The following GLIS1 variants were observed in gnomAD, a reference collection of about 807,000 sequenced individuals.
GLIS1 encodes the protein GLIS family zinc finger 1, also known as zinc finger protein GLIS1.
In GLIS1, 24 loss-of-function variants were observed where a neutral mutation model predicts 63.8. The observed-to-expected ratio is 0.38, with a 90% CI of 0.27 to 0.53. GLIS1 has a LOEUF of 0.53. GLIS1 is among the 20% of genes least tolerant of loss of function. The pLI is 0.85. For synonymous variants in GLIS1, 450 were observed against 482.5 expected, an observed-to-expected ratio of 0.93 and a Z score of 0.88; for missense variants, 1,036 against 1,074.1, an observed-to-expected ratio of 0.96 and a Z score of 0.50.
At chr1:53,516,022 T>C (rs1159720525) in intron 7 of GLIS1, among the ~76,000 whole-genome samples, 6 of 152,256 alleles carry the variant, frequency 3.9e-5, no homozygotes, top group Non-Finnish European at 8.8e-5. Flanking sequence ...CTGAAATCCA[T>C]GCATCCAGCA....
At chr1:53,604,735 G>A (rs1291269999) in intron 2 of GLIS1, among the ~76,000 whole-genome samples, 2 of 152,242 alleles carry the variant, frequency 1.3e-5, no homozygotes, top group Non-Finnish European at 1.5e-5. Context: ...AGAGAGGGCA[G>A]GTGATTTGCC....
intron 2 of GLIS1, among the ~76,000 whole-genome samples, chr1:53,684,580 C>T (rs1442826035): frequency 6.6e-5 from 10 of 152,194 alleles, no homozygotes; most frequent in African/African-American, 1.7e-4. Context: ...GGAGGGCCCT[C>T]CAGTACCTCC....
At chr1:53,600,645 C>T (rs12036675) in intron 2 of GLIS1, among the ~76,000 whole-genome samples, 122,449 of 152,152 alleles carry the variant, frequency 0.8, 54,055 homozygotes, top group Non-Finnish European at 0.99. Flanking sequence ...GTTAACCACA[C>T]GGTGCTCATG....
At chr1:53,558,443 G>C (rs1382526000) in intron 4 of GLIS1, among the ~76,000 whole-genome samples, 1 of 152,206 alleles carries the variant, frequency 6.6e-6, no homozygotes, top group Non-Finnish European at 1.5e-5. Flanking sequence ...TCCAGTCGCT[G>C]CTCTGCTGCT....
chr1:53,522,407 A>G (rs912817129), intron 6 of GLIS1, among the ~76,000 whole-genome samples: 4 of 152,204 alleles, frequency 2.6e-5, no homozygotes, highest in Non-Finnish European at 5.9e-5. Flanking sequence ...TCTGGTCCTC[A>G]GGCACTGGTC....
At position 53,737,886 on chromosome 1, in the gene GLIS1, G is replaced by A. The variant is rs1296934068; in HGVS notation, c.179C>T (p.Pro60Leu). 8.1e-7 allele frequency: 1 copy of A among 1,230,726 alleles called. No individual in the cohort carries two copies. Among genetic ancestry groups the A allele is most frequent in the Non-Finnish European group, 1.0e-6 (1 of 987,276 alleles). 76.2% of individuals were successfully genotyped at this position (1,230,726 alleles called of 1,614,324 possible). A position where few individuals can be genotyped will look rare whatever the true frequency, so the allele number is the denominator to read the frequency against. ...PRDLLARPPA[P>L]PPRAHDLLRP... is the part of the protein sequence containing the mutation. ...GAGGAGGTCGTGGGCGCGCGGTGGC[G>A]GCGCAGGCGGCCGGGCTAGCAGGTC... Residue 60 changes from proline (P) to leucine (L), a missense_variant, in exon 2 of 11, where the codon CCG (proline) becomes CTG (leucine). This residue lies in a region of GLIS1 where 592 missense variants were observed against 593.9 expected (regional missense o/e 1.00). Coordinates refer to ENST00000628545, the MANE Select transcript of GLIS1 (RefSeq NM_001367484.1).
intron 3 of GLIS1, among the ~76,000 whole-genome samples, chr1:53,596,599 C>T (rs940200931): frequency 6.6e-6 from 1 of 152,186 alleles, no homozygotes; most frequent in African/African-American, 2.4e-5. Context: ...CTCTTATCGC[C>T]ATTCACCACC....
chr1:53,710,349 G>A (rs952870162), intron 2 of GLIS1, among the ~76,000 whole-genome samples: 23 of 152,352 alleles, frequency 1.5e-4, no homozygotes, highest in African/African-American at 3.1e-4. Context: ...TGTGCAATAC[G>A]GTGGCCCTGG....
intron 2 of GLIS1, among the ~76,000 whole-genome samples, chr1:53,693,700 C>T (rs371768025): frequency 5.9e-5 from 9 of 152,118 alleles, no homozygotes; most frequent in East Asian, 3.9e-4. Context: ...GGCGCTCTGG[C>T]GGCACTGAAG....
intron 2 of GLIS1, among the ~76,000 whole-genome samples, chr1:53,633,316 G>GGGGGCGTGTGAATGGCTGA (rs1229760261): frequency 6.9e-6 from 1 of 143,894 alleles, no homozygotes; most frequent in Non-Finnish European, 1.5e-5. Flanking sequence ...AGTGTGACTG[G>GGGGGCGTGTGAATGGCTGA]GGGGCGTGTG....
intron 4 of GLIS1, among the ~76,000 whole-genome samples, chr1:53,533,189 A>G (rs145243505): frequency 3.8e-4 from 58 of 152,288 alleles, no homozygotes; most frequent in African/African-American, 1.3e-3. Flanking sequence ...GCCTGCCTCA[A>G]ACTTCCCCAC....
chr1:53,507,689 G>C (rs901553665), intron 10 of GLIS1, among the ~76,000 whole-genome samples: 6 of 152,222 alleles, frequency 3.9e-5, no homozygotes, highest in Non-Finnish European at 5.9e-5. Context: ...GGTGTGCACA[G>C]AAAGGCAGCT....
intron 2 of GLIS1, among the ~76,000 whole-genome samples, chr1:53,709,619 A>C (rs1309035834): frequency 6.6e-6 from 1 of 151,872 alleles, no homozygotes; most frequent in Non-Finnish European, 1.5e-5. Context: ...ACTCATTCAT[A>C]TTTACTCTCC....
intron 2 of GLIS1, among the ~76,000 whole-genome samples, chr1:53,606,680 C>T (rs1401348084): frequency 2.0e-5 from 3 of 152,198 alleles, no homozygotes; most frequent in East Asian, 3.9e-4. Flanking sequence ...CCCGGTGGAC[C>T]GGGTTAGCTG....
At chr1:53,722,249 T>C (rs930434956) in intron 2 of GLIS1, among the ~76,000 whole-genome samples, 3 of 152,234 alleles carry the variant, frequency 2.0e-5, no homozygotes, top group African/African-American at 7.2e-5. Context: ...TGTAGCCTAG[T>C]AATTTCCACT....
At chr1:53,510,348 G>A (rs1179274133) in intron 8 of GLIS1, among the ~76,000 whole-genome samples, 1 of 152,228 alleles carries the variant, frequency 6.6e-6, no homozygotes, top group African/African-American at 2.4e-5. Flanking sequence ...GCTGCTCAAT[G>A]TCTCTGAGCC....
In GLIS1 at chr1:53,608,171, C is replaced by A. The variant is rs141764684; in HGVS notation, c.260-7893G>T. Among the ~76,000 whole-genome samples, 1,149 of 152,244 alleles carry A rather than the reference C, an allele frequency of 7.5e-3. 23 individuals carry two copies. Among genetic ancestry groups the A allele is most frequent in the African/African-American group, 0.027 (1,119 of 41,540 alleles). On this transcript the variant is annotated intron_variant, in intron 2 of 10. Transcript: ENST00000628545. ...AGAGATGAGGTCTCACTATGTTTCC[C>A]AGGCTGGTTTTGAACTCTTGGGCTC...
chr1:53,735,907 C>G (rs867369334), intron 2 of GLIS1, among the ~76,000 whole-genome samples: 2 of 152,106 alleles, frequency 1.3e-5, no homozygotes, highest in African/African-American at 2.4e-5. Context: ...AACACAGAGG[C>G]CAGCAGGGAA....
intron 2 of GLIS1, among the ~76,000 whole-genome samples, chr1:53,602,500 C>T (rs1645328802): frequency 1.3e-5 from 2 of 152,124 alleles, no homozygotes; most frequent in African/African-American, 4.8e-5. Context: ...CAGGACTCAC[C>T]AGGCCCCTCT....
Sources: allele counts gnomAD v4.1 joint callset (sites outside exome capture counted in the v4.1 genomes callset), GRCh38; gene constraint gnomAD v4.1.1; regional missense constraint gnomAD v4.1.1; transcripts MANE v1.5; gene names NCBI Gene and HGNC (gene_info 2026-07-23, HGNC 2026-07-21).